Variants in GRIA2 observed in about 807,000 individuals in gnomAD.
GRIA2 encodes the protein glutamate ionotropic receptor AMPA type subunit 2, also known as glutamate receptor 2.
Under a neutral mutation model 97.3 loss-of-function variants are expected in GRIA2, and 14 were observed. The ratio of observed to expected loss-of-function variants is 0.14; its 90% confidence interval spans 0.10 to 0.23. The LOEUF (loss-of-function observed/expected upper bound fraction) is 0.23. Ranked by LOEUF, GRIA2 falls within the 10% of genes least tolerant of loss-of-function variation. The pLI is 1.00. For missense variants in GRIA2, 558 were observed against 1,069.8 expected (o/e 0.52, Z 6.67); for synonymous variants, 412 against 387.8 (o/e 1.06, Z -0.73).
intron 2 of GRIA2, among the ~76,000 whole-genome samples, chr4:157,256,301 ATAT>A (rs1731270814): frequency 7.3e-6 from 1 of 137,860 alleles, no homozygotes; most frequent in Non-Finnish European, 1.6e-5. Flanking sequence ...ATTATATATA[ATAT>A]TATATATTAC....
At position 157,221,111 on chromosome 4, in the gene GRIA2, T is replaced by A; in HGVS notation, c.69T>A (p.Ser23=). 6.5e-7 allele frequency: 1 copy of A among 1,547,124 alleles called. No homozygotes were observed. The highest frequency in any genetic ancestry group is 8.9e-7 in the Non-Finnish European group (1 of 1,118,832). The part of the protein sequence containing the change: ...PVLWGLIFGV[S]SNSIQIGGLF... The stretch of plus-strand genomic sequence containing the variant: ...TATGGGGACTGATTTTTGGTGTCTC[T>A]TCTAACAGCATACAGATAGGTAGGT... Residue 23 remains serine (S), a synonymous_variant, in exon 1 of 16, where the codon TCT becomes TCA. Coordinates refer to ENST00000264426, the MANE Select transcript of GRIA2 (RefSeq NM_001083619.3).
chr4:157,299,417 C>T (rs1432770848), intron 2 of GRIA2, among the ~76,000 whole-genome samples: 1 of 152,128 alleles, frequency 6.6e-6, no homozygotes, highest in East Asian at 1.9e-4. Context: ...GTTGCCATTT[C>T]TGCTTATGAA....
rs541863083 is a variant in GRIA2 at position 157,244,064 on chromosome 4, G to A, written c.229+22257G>A. On this transcript the variant is annotated intron_variant, in intron 2 of 15. Transcript: ENST00000264426. The stretch of plus-strand genomic sequence containing the variant: ...GTGAGGAAGGTCTGTTATTTAAGGA[G>A]GTAAGACCTGAGCTGAGACCAGGAA... 3.3e-5 allele frequency among the ~76,000 whole-genome samples: 5 copies of A among 152,102 alleles called. No homozygotes were observed. In the South Asian group the frequency reaches 1.0e-3, roughly 32 times the overall value.
intron 2 of GRIA2, among the ~76,000 whole-genome samples, chr4:157,243,636 A>T (rs1730602248): frequency 6.6e-6 from 1 of 152,138 alleles, no homozygotes; most frequent in Non-Finnish European, 1.5e-5. Flanking sequence ...CTGTTATCAT[A>T]GGTTTTTTCC....
intron 12 of GRIA2, chr4:157,342,484 T>C (rs1392771621): frequency 2.0e-6 from 2 of 981,570 alleles, no homozygotes; most frequent in Non-Finnish European, 1.2e-6. Flanking sequence ...GGTACCTCAA[T>C]ATAAGTGCAA....
intron 2 of GRIA2, among the ~76,000 whole-genome samples, chr4:157,298,611 CTTT>C (rs67497887): frequency 1.2e-4 from 4 of 34,318 alleles, no homozygotes; most frequent in East Asian, 9.7e-4. Flanking sequence ...TGAAGCTAAG[CTTT>C]TTTTTTTTTT....
chr4:157,287,174 A>G (rs920086248), intron 2 of GRIA2, among the ~76,000 whole-genome samples: 14 of 151,692 alleles, frequency 9.2e-5, no homozygotes, highest in Non-Finnish European at 2.1e-4. Flanking sequence ...TATAACTCCT[A>G]AATCAATCCA....
intron 12 of GRIA2, among the ~76,000 whole-genome samples, chr4:157,357,145 T>C (rs1318648749): frequency 6.6e-6 from 1 of 152,160 alleles, no homozygotes; most frequent in Non-Finnish European, 1.5e-5. Context: ...CTCTTTCTGA[T>C]ATGTTTAATA....
At chr4:157,256,246 A>ATGTTATATATTACATATATT (rs1731261327) in intron 2 of GRIA2, among the ~76,000 whole-genome samples, 1 of 82,246 alleles carries the variant, frequency 1.2e-5, no homozygotes, top group African/African-American at 5.5e-5. Context: ...ATATATATAT[A>ATGTTATATATTACATATATT]ATATATAAAT....
At chr4:157,350,537 A>G (rs1223017940) in intron 12 of GRIA2, among the ~76,000 whole-genome samples, 2 of 151,866 alleles carry the variant, frequency 1.3e-5, no homozygotes, top group African/African-American at 4.8e-5. Context: ...CAATCTGAAC[A>G]TTCATGTTCT....
In GRIA2 at chr4:157,357,930, G is replaced by A. The variant is rs187702052; in HGVS notation, c.2044-1966G>A. ...CTAATTTTTGAATTTTCTCTGAAGG[G>A]CATTCATATTTCATGTAATATTTTA... is the stretch of plus-strand genomic sequence containing the variant. On this transcript the variant is annotated intron_variant, in intron 12 of 15. Transcript: ENST00000264426. 4.2e-4 allele frequency among the ~76,000 whole-genome samples: 64 copies of A among 152,058 alleles called. No homozygotes were observed. The East Asian group carries it at 0.012, about 29-fold the overall frequency.
intron 3 of GRIA2, 51 bp downstream of exon 3, chr4:157,303,842 A>C: frequency 1.3e-6 from 2 of 1,562,120 alleles, no homozygotes; most frequent in Non-Finnish European, 1.8e-6. Flanking sequence ...CAATGCCTAC[A>C]CTTGACACTT....
chr4:157,362,847 A>G lies in GRIA2; in HGVS notation c.2455A>G (p.Ile819Val), dbSNP rs1461547840. 6.2e-7 allele frequency: 1 copy of G among 1,613,432 alleles called. No homozygotes were observed. The change falls in exon 15 of 16, where the codon ATC becomes GTC. Residue 819 changes from isoleucine (I) to valine (V), a missense_variant. Ile to Val is a conservative substitution (Grantham distance 29). This residue lies in a region of GRIA2 where 54 missense variants were observed against 82.1 expected (regional missense o/e 0.66). Coordinates refer to ENST00000264426, the MANE Select transcript of GRIA2 (RefSeq NM_001083619.3). ...GAGCAACGTTGCTGGAGTATTCTACATCCTTGTCGGGGGCCTTGGTTTGGC... is the reference window on the plus strand; with the variant it reads ...GAGCAACGTTGCTGGAGTATTCTACGTCCTTGTCGGGGGCCTTGGTTTGGC... ...SLSNVAGVFY[I>V]LVGGLGLAML...
At chr4:157,277,864 G>GTATATATGTA (rs1271833197) in intron 2 of GRIA2, among the ~76,000 whole-genome samples, 7 of 142,898 alleles carry the variant, frequency 4.9e-5, no homozygotes, top group Non-Finnish European at 7.6e-5. Flanking sequence ...GTATATATAT[G>GTATATATGTA]TATATATGTA....
intron 6 of GRIA2, among the ~76,000 whole-genome samples, chr4:157,327,946 C>T (rs140397737): frequency 0.017 from 2,643 of 152,100 alleles, 35 homozygotes; most frequent in South Asian, 0.027. Flanking sequence ...TTTAACTGTC[C>T]AAACCACAGC....
intron 2 of GRIA2, among the ~76,000 whole-genome samples, chr4:157,291,255 C>T (rs941312341): frequency 1.3e-5 from 2 of 151,914 alleles, no homozygotes; most frequent in African/African-American, 4.8e-5. Context: ...TGCCCACTTC[C>T]TTTCTCCCTC....
chr4:157,362,803 A>T lies in GRIA2; in HGVS notation c.2411A>T (p.Lys804Met), dbSNP rs1314729275. 6.2e-7 allele frequency: 1 copy of T among 1,610,774 alleles called. No homozygotes were observed. The highest frequency in any genetic ancestry group is 1.3e-5 in the African/African-American group (1 of 74,620). The change falls in exon 15 of 16, where the codon AAG becomes ATG. Residue 804 changes from lysine to methionine, a missense_variant. By Grantham distance (95) the Lys-to-Met change is moderately conservative. Coordinates refer to ENST00000264426, the MANE Select transcript of GRIA2 (RefSeq NM_001083619.3). ...CGSGGGDSKE[K>M]TSALSLSNVA... ...CTTCTCATATACATTCTTTAGGAAA[A>T]GACCAGTGCCCTCAGTCTGAGCAAC... is the stretch of plus-strand genomic sequence containing the variant.
chr4:157,289,487 G>A (rs1732997411), intron 2 of GRIA2, among the ~76,000 whole-genome samples: 1 of 151,806 alleles, frequency 6.6e-6, no homozygotes, highest in Non-Finnish European at 1.5e-5. Context: ...TTTTGTAGAG[G>A]TTGTAGAAAT....
intron 5 of GRIA2, among the ~76,000 whole-genome samples, chr4:157,320,515 T>C (rs940273629): frequency 1.3e-5 from 2 of 152,092 alleles, no homozygotes; most frequent in Non-Finnish European, 2.9e-5. Flanking sequence ...TTGCACTATT[T>C]GCATTATCTT....
Sources: gnomAD v4.1 joint callset for allele counts (sites outside exome capture counted in the v4.1 genomes callset) on GRCh38, gnomAD v4.1.1 for gene constraint, gnomAD v4.1.1 regional missense constraint, MANE v1.5 for transcripts, NCBI Gene and HGNC (gene_info 2026-07-23, HGNC 2026-07-21) for gene names.